Variants in FCER1G observed in about 807,000 individuals in gnomAD.
FCER1G encodes the protein Fc epsilon receptor Ig.
FCER1G carries 7 observed loss-of-function variants against 17.3 expected under a neutral mutation model. That is an observed-to-expected ratio of 0.40 (90% CI 0.23 to 0.76). FCER1G has a LOEUF of 0.76. Among genes scored for constraint, FCER1G ranks in the 30% least tolerant of loss-of-function variants. The pLI is 0.35. For synonymous variants in FCER1G, 35 were observed against 38.7 expected (o/e 0.90, Z 0.35); for missense variants, 87 against 97.7 (o/e 0.89, Z 0.46).
At chr1:161,217,560 T>C (rs1321347910) in intron 1 of FCER1G, among the ~76,000 whole-genome samples, 1 of 152,108 alleles carries the variant, frequency 6.6e-6, no homozygotes, top group Admixed American at 6.6e-5. Flanking sequence ...GTAGAGACAC[T>C]TCTGTGGTTT....
intron 1 of FCER1G, among the ~76,000 whole-genome samples, chr1:161,216,112 C>T (rs1225098825): frequency 3.3e-5 from 5 of 151,850 alleles, no homozygotes; most frequent in African/African-American, 1.2e-4. Context: ...ATGAGCATTT[C>T]CCATGGGGTG....
chr1:161,218,108 G>C (rs1367980939), intron 2 of FCER1G, 31 bp downstream of exon 2: 1 of 1,575,068 alleles, frequency 6.3e-7, no homozygotes, highest in African/African-American at 1.4e-5. Flanking sequence ...GTAAGGGCTG[G>C]AAGGGGAAGT....
intron 1 of FCER1G, among the ~76,000 whole-genome samples, chr1:161,216,500 A>AGGATAT (rs1206596022): frequency 6.6e-6 from 1 of 151,208 alleles, no homozygotes; most frequent in Non-Finnish European, 1.5e-5. Context: ...GAGTAAGGCA[A>AGGATAT]GGATATAGCC....
chr1:161,218,604 C>G lies in FCER1G; in HGVS notation c.178-99C>G. The G allele has an allele frequency of 3.1e-6, 4 of 1,289,176 alleles. No homozygotes were observed. In the East Asian group the frequency reaches 9.2e-5, roughly 30 times the overall value. The allele number at this position is 1,289,176 out of a possible 1,614,324, so 79.9% of individuals were successfully genotyped here. A position where few individuals can be genotyped will look rare whatever the true frequency, so the allele number is the denominator to read the frequency against. ...GTGAGTGCCCTCTAGCCCAAGGTGG[C>G]TGGCTGCCCACCCCCCATGCCTCCC... On this transcript the variant is annotated intron_variant, in intron 3 of 4. Transcript: ENST00000289902.
At chr1:161,216,361 TACACAC>T (rs1218847328) in intron 1 of FCER1G, among the ~76,000 whole-genome samples, 2 of 137,498 alleles carry the variant, frequency 1.5e-5, no homozygotes, top group African/African-American at 5.6e-5. Context: ...TCTATCTATA[TACACAC>T]ACACACACAT....
rs146654137 is a variant in FCER1G at position 161,215,434 on chromosome 1, T to C, written c.49+64T>C. ...AGGGTGGAAGTCCAGAGCTTGGGTC[T>C]GAGGGCCAAGTCAAACACAGGTGAA... On this transcript the variant is annotated intron_variant, in intron 1 of 4. Coordinates refer to ENST00000289902, the MANE Select transcript of FCER1G (RefSeq NM_004106.2). 111 of 1,454,384 alleles carry C rather than the reference T, an allele frequency of 7.6e-5. No homozygotes were observed. The East Asian group carries it at 2.5e-3, about 32-fold the overall frequency. The allele number at this position is 1,454,384 out of a possible 1,614,324, so 90.1% of individuals were successfully genotyped here. A position where few individuals can be genotyped will look rare whatever the true frequency, so the allele number is the denominator to read the frequency against.
At position 161,218,137 on chromosome 1, in the gene FCER1G, A is replaced by T. The variant is rs143240088; in HGVS notation, c.141+60A>T. On this transcript the variant is annotated intron_variant, in intron 2 of 4. Coordinates refer to ENST00000289902, the MANE Select transcript of FCER1G (RefSeq NM_004106.2). ...GGGAAGTGGGAGGAGGGCAGCAGCA[A>T]GGATTCGAAGAGAAGGAATAAAAGG... 3.9e-6 allele frequency: 6 copies of T among 1,535,258 alleles called. No individual in the cohort carries two copies. The East Asian group carries it at 1.3e-4, about 34-fold the overall frequency.
chr1:161,218,799 T>TG, intron 4 of FCER1G, 76 bp downstream of exon 4: 16 of 1,507,766 alleles, frequency 1.1e-5, no homozygotes, highest in African/African-American at 2.8e-5. Context: ...GGAAGGCCGG[T>TG]GGGGGGAGGG....
chr1:161,217,132 C>A (rs547063046), intron 1 of FCER1G, among the ~76,000 whole-genome samples: 4 of 152,330 alleles, frequency 2.6e-5, no homozygotes, highest in African/African-American at 9.6e-5. Flanking sequence ...ATAAAAAGTA[C>A]TTGACCGATG....
intron 1 of FCER1G, among the ~76,000 whole-genome samples, chr1:161,217,383 C>T (rs754094167): frequency 4.0e-4 from 57 of 143,822 alleles, no homozygotes; most frequent in Non-Finnish European, 8.1e-4. Flanking sequence ...AAAACAGACA[C>T]ACTTTTTTTT....
intron 3 of FCER1G, 117 bp from the exon 4 acceptor site, chr1:161,218,586 C>A: frequency 1.0e-6 from 1 of 1,002,674 alleles, no homozygotes; most frequent in Non-Finnish European, 1.6e-6. Context: ...CATGTGAGTG[C>A]CCTCTAGCCC....
At chr1:161,218,191 G>A in intron 2 of FCER1G, 50 bp from the exon 3 acceptor site, 2 of 1,578,366 alleles carry the variant, frequency 1.3e-6, no homozygotes. Flanking sequence ...GGAGGGAAGG[G>A]GGATGGGCCA....
Position 161,218,953 on chromosome 1 carries a change from A to G in FCER1G, c.*10A>G. 6.2e-7 allele frequency: 1 copy of G among 1,607,238 alleles called. No homozygotes were observed. Among genetic ancestry groups the G allele is most frequent in the African/African-American group, 1.3e-5 (1 of 74,876 alleles). ...GAAACCACCACAGTAGCTTTAGAAT[A>G]GATGCGGTCATATTCTTCTTTGGCT... On this transcript the variant is annotated 3_prime_UTR_variant, in exon 5 of 5. Coordinates refer to ENST00000289902, the MANE Select transcript of FCER1G (RefSeq NM_004106.2).
intron 4 of FCER1G, 70 bp from the exon 5 acceptor site, chr1:161,218,811 G>A (rs569178245): frequency 1.9e-6 from 3 of 1,578,644 alleles, no homozygotes; most frequent in African/African-American, 1.3e-5. Context: ...GGGGGAGGGG[G>A]GTCCTGTGGA....
chr1:161,219,161 G>T lies in FCER1G; in HGVS notation c.*218G>T. On this transcript the variant is annotated 3_prime_UTR_variant, in exon 5 of 5. Transcript: ENST00000289902. Reference sequence around the variant, plus strand: ...ATTTATATTCTAGTCTCACTCTCTTGTCCCACCCTTCTTCTCTTCCCCATT... The same window carrying T: ...ATTTATATTCTAGTCTCACTCTCTTTTCCCACCCTTCTTCTCTTCCCCATT... 1.8e-6 allele frequency: 1 copy of T among 563,610 alleles called. No homozygotes were observed. The highest frequency in any genetic ancestry group is 3.1e-6 in the Non-Finnish European group (1 of 317,706). 34.9% of individuals were successfully genotyped at this position (563,610 alleles called of 1,614,324 possible).
chr1:161,217,032 C>T (rs1208449749), intron 1 of FCER1G, among the ~76,000 whole-genome samples: 1 of 152,176 alleles, frequency 6.6e-6, no homozygotes, highest in Non-Finnish European at 1.5e-5. Context: ...GCCTTGGTTT[C>T]GTCACCCATA....
chr1:161,217,087 T>C (rs139435964), intron 1 of FCER1G, among the ~76,000 whole-genome samples: 11 of 152,304 alleles, frequency 7.2e-5, no homozygotes, highest in African/African-American at 2.6e-4. Context: ...TTTTAAGATT[T>C]GTGCAATATC....
rs561321216 is a variant in FCER1G at position 161,218,439 on chromosome 1, A to G, written c.177+163A>G. 2.4e-4 allele frequency among the ~76,000 whole-genome samples: 36 copies of G among 152,300 alleles called. No homozygotes were observed. The South Asian group carries it at 6.2e-3, about 26-fold the overall frequency. ...CACCTTACCTAGCCAAGCCACAAGT[A>G]AAATATTCAGCAGGTGACAGGGAAG... On this transcript the variant is annotated intron_variant, in intron 3 of 4. Coordinates refer to ENST00000289902, the MANE Select transcript of FCER1G (RefSeq NM_004106.2).
chr1:161,217,979 C>A lies in FCER1G; in HGVS notation c.50-7C>A. 1 of 1,604,390 alleles carries A rather than the reference C, an allele frequency of 6.2e-7. No individual in the cohort carries two copies. The highest frequency in any genetic ancestry group is 1.7e-4 in the Middle Eastern group (1 of 6,040). On this transcript the variant is annotated splice_region_variant and splice_polypyrimidine_tract_variant and intron_variant, in intron 1 of 4. Transcript: ENST00000289902. ...CCCGACCCCATGGGCATCCTCTATC[C>A]CCTCAGCGGCCCTGGGAGAGCCTCA...
Sources: allele counts gnomAD v4.1 joint callset (sites outside exome capture counted in the v4.1 genomes callset), GRCh38; gene constraint gnomAD v4.1.1; transcripts MANE v1.5; gene names NCBI Gene and HGNC (gene_info 2026-07-23, HGNC 2026-07-21).